SAGE1: variants seen among roughly 807,000 people sequenced by gnomAD.
SAGE1 encodes the protein sarcoma antigen 1, also known as cancer/testis antigen 14.
Under a neutral mutation model 55.4 loss-of-function variants are expected in SAGE1, and 55 were observed. The observed-to-expected ratio is 0.99, with a 90% CI of 0.80 to 1.24. The LOEUF is 1.24. SAGE1 is among the 50% of genes most tolerant of loss of function. The probability of loss-of-function intolerance (pLI) is 0.00; values close to 1 mark genes in which losing one functional copy is unlikely to be tolerated. For missense variants in SAGE1, 710 were observed against 704.4 expected, an observed-to-expected ratio of 1.01 and a Z score of -0.09; for synonymous variants, 240 against 244.3, an observed-to-expected ratio of 0.98 and a Z score of 0.17.
rs140489687 is a variant in SAGE1 at position 135,905,242 on chromosome X, C to G, written c.314-10C>G. The stretch of plus-strand genomic sequence containing the variant: ...TACCTCACAACTCAACCTGTTCCAT[C>G]GGTTTCCAGATGCTACCATCGCTCA... On this transcript the variant is annotated splice_polypyrimidine_tract_variant and intron_variant, in intron 4 of 19. Coordinates refer to ENST00000370709, the MANE Select transcript of SAGE1 (RefSeq NM_001381902.1). The G allele has an allele frequency of 8.3e-7, 1 of 1,202,619 alleles. No individual in the cohort carries two copies. The highest frequency in any genetic ancestry group is 1.7e-5 in the African/African-American group (1 of 57,592).
At chrX:135,907,159 A>T (rs1431681196) in intron 8 of SAGE1, 93 bp downstream of exon 8, 23 of 1,060,120 alleles carry the variant, frequency 2.2e-5, no homozygotes, top group African/African-American at 3.7e-5. Flanking sequence ...TGTATCATCT[A>T]TCTTGAGCTC....
Position 135,908,601 on chromosome X carries a change from G to T in SAGE1, c.1425G>T (p.Met475Ile). The change falls in exon 12 of 20, where the codon ATG becomes ATT. Residue 475 changes from methionine (M) to isoleucine (I), a missense_variant. Met to Ile is a conservative substitution (Grantham distance 10). Coordinates refer to ENST00000370709, the MANE Select transcript of SAGE1 (RefSeq NM_001381902.1). Reference protein sequence around the residue: ...INMAGASIPAMSSRDLYATIT... With the variant: ...INMAGASIPAISSRDLYATIT... ...TGGCAGGAGCTAGTATTCCAGCAATGAGTTCCAGGGATCTGTGTATGTGTG... is the reference window on the plus strand; with the variant it reads ...TGGCAGGAGCTAGTATTCCAGCAATTAGTTCCAGGGATCTGTGTATGTGTG... 8.4e-7 allele frequency: 1 copy of T among 1,197,454 alleles called. No individual in the cohort carries two copies. Among genetic ancestry groups the T allele is most frequent in the Non-Finnish European group, 1.1e-6 (1 of 889,149 alleles).
rs782155588 is a variant in SAGE1, at chrX:135,911,385, A to T, written c.2146+53A>T. 457 of 1,115,275 alleles carry T rather than the reference A, an allele frequency of 4.1e-4. 4 individuals are homozygous for T. The African/African-American group carries it at 7.2e-3, about 18-fold the overall frequency. 91.9% of individuals were successfully genotyped at this position (1,115,275 alleles called of 1,213,427 possible). On this transcript the variant is annotated intron_variant, in intron 17 of 19. Coordinates refer to ENST00000370709, the MANE Select transcript of SAGE1 (RefSeq NM_001381902.1). Reference sequence around the variant, plus strand: ...CTACTTGGTTTCCATATGCATGCATAGTGTCCTGCAGGGAAGAAGGTGGTT... The same window carrying T: ...CTACTTGGTTTCCATATGCATGCATTGTGTCCTGCAGGGAAGAAGGTGGTT...
At chrX:135,902,997 A>C in intron 3 of SAGE1, among the ~76,000 whole-genome samples, 1 of 110,931 alleles carries the variant, frequency 9.0e-6, no homozygotes, top group Middle Eastern at 4.6e-3. Context: ...CCTCCTGAAA[A>C]CCCATCCTCA....
In SAGE1 at chrX:135,911,341, G is replaced by A; in HGVS notation, c.2146+9G>A. The A allele has an allele frequency of 8.3e-7, 1 of 1,201,931 alleles. No individual in the cohort carries two copies. On this transcript the variant is annotated intron_variant, in intron 17 of 19. Coordinates refer to ENST00000370709, the MANE Select transcript of SAGE1 (RefSeq NM_001381902.1). Reference sequence around the variant, plus strand: ...AAGTACCAGGGATCTGTGTATGTTTGTGTATTGGTTGTACTGTCCTACTTG... The same window carrying A: ...AAGTACCAGGGATCTGTGTATGTTTATGTATTGGTTGTACTGTCCTACTTG...
chrX:135,909,880 G>A, intron 14 of SAGE1, 101 bp downstream of exon 14: 1 of 996,028 alleles, frequency 1.0e-6, no homozygotes, highest in Non-Finnish European at 1.4e-6. Context: ...TCTTTCATGA[G>A]TTCAATTTGA....
chrX:135,907,958 T>G, intron 10 of SAGE1, 117 bp downstream of exon 10: 1 of 1,054,309 alleles, frequency 9.5e-7, no homozygotes, highest in Non-Finnish European at 1.3e-6. Context: ...TTTAGGGTTT[T>G]CAATTGCTCC....
At chrX:135,895,347 A>T (rs1277679493) in intron 1 of SAGE1, among the ~76,000 whole-genome samples, 1 of 111,922 alleles carries the variant, frequency 8.9e-6, no homozygotes, top group African/African-American at 3.2e-5. Context: ...AACCCTCTTT[A>T]CCCCCACTTT....
chrX:135,902,452 C>T (rs2088696305), intron 3 of SAGE1, among the ~76,000 whole-genome samples: 1 of 112,485 alleles, frequency 8.9e-6, no homozygotes, highest in African/African-American at 3.2e-5. Context: ...TTCACTATTT[C>T]AATTAAAGAT....
intron 2 of SAGE1, among the ~76,000 whole-genome samples, chrX:135,898,481 T>C (rs1305811199): frequency 8.9e-6 from 1 of 112,035 alleles, no homozygotes; most frequent in East Asian, 2.8e-4. Context: ...TATAATAGAA[T>C]GATTTATATT....
At chrX:135,904,352 T>C (rs1461769519) in intron 3 of SAGE1, 125 bp from the exon 4 acceptor site, 1 of 486,701 alleles carries the variant, frequency 2.1e-6, no homozygotes, top group Admixed American at 3.3e-5. Flanking sequence ...GTTCTCAGAT[T>C]GCTACCTGGT....
intron 12 of SAGE1, 67 bp downstream of exon 12, chrX:135,908,684 A>G (rs2088842253): frequency 1.8e-6 from 2 of 1,090,627 alleles, no homozygotes; most frequent in Non-Finnish European, 2.5e-6. Flanking sequence ...TCATGAAGGG[A>G]AGAAGGTTGT....
Position 135,907,070 on chromosome X carries a change from T to C in SAGE1, c.877+4T>C. On this transcript the variant is annotated splice_donor_region_variant and intron_variant, in intron 8 of 19. Coordinates refer to ENST00000370709, the MANE Select transcript of SAGE1 (RefSeq NM_001381902.1). ...GCCATCAGCACCAATGGCCTGTGTA[T>C]GTTTGCTTGTTAATTGGATTATCCT... 1.7e-6 allele frequency: 2 copies of C among 1,202,857 alleles called. No individual in the cohort carries two copies. The highest frequency in any genetic ancestry group is 2.2e-6 in the Non-Finnish European group (2 of 890,412).
intron 3 of SAGE1, among the ~76,000 whole-genome samples, chrX:135,902,674 C>T (rs2088699258): frequency 8.9e-6 from 1 of 112,055 alleles, no homozygotes; most frequent in African/African-American, 3.2e-5. Flanking sequence ...CCTAACACCT[C>T]CTGAACACCC....
chrX:135,910,261 T>C, intron 15 of SAGE1, 91 bp downstream of exon 15: 4 of 1,046,949 alleles, frequency 3.8e-6, no homozygotes, highest in Admixed American at 2.5e-5. Flanking sequence ...TTGTATTACC[T>C]TTTCAGGCCT....
chrX:135,905,242 C>T lies in SAGE1; in HGVS notation c.314-10C>T, dbSNP rs140489687. 1,362 of 1,200,942 alleles carry T rather than the reference C, an allele frequency of 1.1e-3. 8 individuals are homozygous for T. The Middle Eastern group carries it at 0.013, about 11-fold the overall frequency. On this transcript the variant is annotated splice_polypyrimidine_tract_variant and intron_variant, in intron 4 of 19. Coordinates refer to ENST00000370709, the MANE Select transcript of SAGE1 (RefSeq NM_001381902.1). ...TACCTCACAACTCAACCTGTTCCAT[C>T]GGTTTCCAGATGCTACCATCGCTCA...
At chrX:135,896,359 A>C in intron 2 of SAGE1, 30 bp downstream of exon 2, 1 of 945,801 alleles carries the variant, frequency 1.1e-6, no homozygotes, top group East Asian at 3.1e-5. Context: ...TTCTGCCCTA[A>C]TTGTGACATT....
chrX:135,897,950 T>A (rs1339682550), intron 2 of SAGE1, among the ~76,000 whole-genome samples: 1 of 112,458 alleles, frequency 8.9e-6, no homozygotes, highest in African/African-American at 3.2e-5. Flanking sequence ...CTTGCGTTAG[T>A]TTCCTGATGA....
chrX:135,905,262 C>G lies in SAGE1; in HGVS notation c.324C>G (p.Ile108Met). The part of the protein sequence containing the change: ...STAPPWPDAT[I>M]AHNIREERME... ...TCCATCGGTTTCCAGATGCTACCAT[C>G]GCTCACAATATCCGTGAAGAGAGGA... is the stretch of plus-strand genomic sequence containing the variant. The change falls in exon 5 of 20, where the codon ATC becomes ATG. Residue 108 changes from isoleucine (I) to methionine (M), a missense_variant. Coordinates refer to ENST00000370709, the MANE Select transcript of SAGE1 (RefSeq NM_001381902.1). The G allele has an allele frequency of 8.3e-7, 1 of 1,208,219 alleles. No individual in the cohort carries two copies. Among genetic ancestry groups the G allele is most frequent in the Non-Finnish European group, 1.1e-6 (1 of 892,979 alleles).
Sources: allele counts gnomAD v4.1 joint callset (sites outside exome capture counted in the v4.1 genomes callset), GRCh38; gene constraint gnomAD v4.1.1; transcripts MANE v1.5; gene names NCBI Gene and HGNC (gene_info 2026-07-23, HGNC 2026-07-21).